Variants in WWOX observed in about 807,000 individuals in gnomAD.
WWOX encodes the protein WW domain-containing oxidoreductase.
WWOX carries 69 observed loss-of-function variants against 46.2 expected under a neutral mutation model. The observed-to-expected ratio is 1.49, with a 90% CI of 1.23 to 1.82. The LOEUF is 1.82. WWOX is among the 40% of genes most tolerant of loss of function. The probability of loss-of-function intolerance (pLI) is 0.00; values close to 1 mark genes in which losing one functional copy is unlikely to be tolerated. For missense variants in WWOX, 919 were observed against 542.6 expected, an observed-to-expected ratio of 1.69 and a Z score of -6.89; for synonymous variants, 359 against 202.6, an observed-to-expected ratio of 1.77 and a Z score of -6.56.
intron 8 of WWOX, among the ~76,000 whole-genome samples, chr16:78,920,031 A>C (rs1183510617): frequency 6.6e-6 from 1 of 152,188 alleles, no homozygotes; most frequent in Non-Finnish European, 1.5e-5. Context: ...TGTATCAGTC[A>C]GCGTAGACTA....
At chr16:78,790,691 C>G (rs2050573297) in intron 8 of WWOX, among the ~76,000 whole-genome samples, 1 of 152,038 alleles carries the variant, frequency 6.6e-6, no homozygotes, top group Non-Finnish European at 1.5e-5. Flanking sequence ...AAAATCAAAA[C>G]AAGACTGTGG....
chr16:78,125,786 C>A (rs1319734777), intron 4 of WWOX, among the ~76,000 whole-genome samples: 1 of 152,064 alleles, frequency 6.6e-6, no homozygotes, highest in Admixed American at 6.5e-5. Flanking sequence ...AGGAATAAGT[C>A]TGGGGGAATG....
chr16:78,538,356 T>C (rs1440206545), intron 8 of WWOX, among the ~76,000 whole-genome samples: 1 of 152,022 alleles, frequency 6.6e-6, no homozygotes, highest in Non-Finnish European at 1.5e-5. Flanking sequence ...GCTCTATACA[T>C]TGACGTTTGT....
At chr16:78,823,469 C>A (rs116649920) in intron 8 of WWOX, among the ~76,000 whole-genome samples, 2 of 152,292 alleles carry the variant, frequency 1.3e-5, no homozygotes, top group East Asian at 3.9e-4. Flanking sequence ...GAATGTTCAC[C>A]ATGGTGACCC....
chr16:78,898,558 C>G (rs1300350066), intron 8 of WWOX: 2 of 152,038 alleles, frequency 1.3e-5, no homozygotes, highest in African/African-American at 4.8e-5. Flanking sequence ...AGGATTCAAA[C>G]TTTGTTCTTT....
intron 8 of WWOX, among the ~76,000 whole-genome samples, chr16:78,702,876 C>G (rs545164004): frequency 6.6e-6 from 1 of 152,234 alleles, no homozygotes; most frequent in East Asian, 1.9e-4. Flanking sequence ...TCCTGCTTTG[C>G]TCACTGCAGG....
At chr16:79,114,271 A>T (rs1158216479) in intron 8 of WWOX, among the ~76,000 whole-genome samples, 1 of 152,058 alleles carries the variant, frequency 6.6e-6, no homozygotes. Context: ...TGCAGATGTC[A>T]TCAAATTAAT....
At chr16:79,120,405 T>C (rs1009102547) in intron 8 of WWOX, among the ~76,000 whole-genome samples, 1 of 152,212 alleles carries the variant, frequency 6.6e-6, no homozygotes, top group African/African-American at 2.4e-5. Flanking sequence ...TGTGGCCCTT[T>C]CTGCACTTCC....
chr16:78,355,511 A>G (rs1567520089), intron 5 of WWOX: 1 of 372,698 alleles, frequency 2.7e-6, no homozygotes, highest in Non-Finnish European at 5.3e-6. Flanking sequence ...CTGAGACCGA[A>G]GAATTACTTG....
intron 8 of WWOX, among the ~76,000 whole-genome samples, chr16:78,573,308 C>CAA (rs1217739983): frequency 6.6e-6 from 1 of 151,986 alleles, no homozygotes; most frequent in East Asian, 1.9e-4. Context: ...CAAAACAAAA[C>CAA]AAAAAAGGTT....
chr16:78,897,312 C>G (rs891231383), intron 8 of WWOX: 2 of 147,058 alleles, frequency 1.4e-5, no homozygotes, highest in South Asian at 4.4e-4. Flanking sequence ...CGGTAAGTAT[C>G]TCATTCTCCT....
At chr16:79,114,873 T>A (rs921411495) in intron 8 of WWOX, among the ~76,000 whole-genome samples, 7 of 152,188 alleles carry the variant, frequency 4.6e-5, no homozygotes, top group Non-Finnish European at 8.8e-5. Flanking sequence ...GGCGTAGATG[T>A]TGTTGTTCAT....
intron 8 of WWOX, among the ~76,000 whole-genome samples, chr16:78,445,902 G>T (rs746920865): frequency 6.6e-6 from 1 of 151,542 alleles, no homozygotes; most frequent in Non-Finnish European, 1.5e-5. Context: ...GGCAGGGGAG[G>T]GGGGAAAGAA....
chr16:78,666,823 A>G (rs974360652), intron 8 of WWOX, among the ~76,000 whole-genome samples: 28 of 152,220 alleles, frequency 1.8e-4, no homozygotes, highest in African/African-American at 6.5e-4. Flanking sequence ...AAAAGTTTAC[A>G]TTTAATTTTC....
In WWOX at chr16:78,575,560, G is replaced by C. The variant is rs573786273; in HGVS notation, c.1056+142808G>C. ...GTGACTTCAGCTTTGTTTTGGACTGGGGCATTGGATCTCCCACATGCCCTC... is the reference window on the plus strand; with the variant it reads ...GTGACTTCAGCTTTGTTTTGGACTGCGGCATTGGATCTCCCACATGCCCTC... On this transcript the variant is annotated intron_variant, in intron 8 of 8. Transcript: ENST00000566780. Among the ~76,000 whole-genome samples, 6 of 152,104 alleles carry C rather than the reference G, an allele frequency of 3.9e-5. No individual in the cohort carries two copies. In the East Asian group the frequency reaches 9.7e-4, roughly 25 times the overall value.
At chr16:78,319,683 A>G (rs561428775) in intron 5 of WWOX, among the ~76,000 whole-genome samples, 4 of 152,328 alleles carry the variant, frequency 2.6e-5, no homozygotes, top group African/African-American at 7.2e-5. Flanking sequence ...TAAACGTTCT[A>G]TGCCATTTTT....
At chr16:78,595,670 C>T (rs1296662755) in intron 8 of WWOX, among the ~76,000 whole-genome samples, 1 of 152,144 alleles carries the variant, frequency 6.6e-6, no homozygotes, top group African/African-American at 2.4e-5. Flanking sequence ...TCAGAGTGGC[C>T]CTAGGATGGC....
Position 78,593,387 on chromosome 16 carries a change from G to T in WWOX, c.1056+160635G>T, listed in dbSNP as rs144940176. Among the ~76,000 whole-genome samples, 401 of 152,220 alleles carry T rather than the reference G, an allele frequency of 2.6e-3. 6 individuals carry two copies. The Middle Eastern group carries it at 0.041, about 15-fold the overall frequency. On this transcript the variant is annotated intron_variant, in intron 8 of 8. Coordinates refer to ENST00000566780, the MANE Select transcript of WWOX (RefSeq NM_016373.4). Reference sequence around the variant, plus strand: ...CCTAACTGACAGTTTTGTCTGCCCAGCATTTTCCCCCATCACCCTTGTACT... The same window carrying T: ...CCTAACTGACAGTTTTGTCTGCCCATCATTTTCCCCCATCACCCTTGTACT...
intron 8 of WWOX, among the ~76,000 whole-genome samples, chr16:79,086,109 AAACT>A (rs1251243650): frequency 2.0e-5 from 3 of 152,074 alleles, no homozygotes; most frequent in African/African-American, 7.2e-5. Context: ...GAAAGAAAAC[AAACT>A]AACAGTCAAT....
Sources: allele counts gnomAD v4.1 joint callset (sites outside exome capture counted in the v4.1 genomes callset), GRCh38; gene constraint gnomAD v4.1.1; transcripts MANE v1.5; gene names NCBI Gene and HGNC (gene_info 2026-07-23, HGNC 2026-07-21).